Variants in SMURF2 observed in about 807,000 individuals in gnomAD.
SMURF2 encodes the protein SMAD specific E3 ubiquitin protein ligase 2.
Under a neutral mutation model 109.6 loss-of-function variants are expected in SMURF2, and 48 were observed. That is an observed-to-expected ratio of 0.44 (90% CI 0.35 to 0.56). The LOEUF is 0.56. SMURF2 is among the 20% of genes least tolerant of loss of function. The pLI is 0.01. For synonymous variants in SMURF2, 288 were observed against 317.1 expected, an observed-to-expected ratio of 0.91 and a Z score of 0.97; for missense variants, 575 against 909.0, an observed-to-expected ratio of 0.63 and a Z score of 4.72.
At chr17:64,630,558 T>C (rs965747622) in intron 1 of SMURF2, among the ~76,000 whole-genome samples, 8 of 152,248 alleles carry the variant, frequency 5.3e-5, no homozygotes, top group East Asian at 1.9e-4. Flanking sequence ...AACTATAATA[T>C]TGTGAAACCT....
intron 2 of SMURF2, among the ~76,000 whole-genome samples, chr17:64,600,628 G>C (rs1156344608): frequency 6.6e-6 from 1 of 152,172 alleles, no homozygotes; most frequent in Non-Finnish European, 1.5e-5. Flanking sequence ...AACTTGGTAA[G>C]TTAGGGTATT....
chr17:64,657,872 CAG>C (rs1198373842), intron 1 of SMURF2, among the ~76,000 whole-genome samples: 3 of 152,090 alleles, frequency 2.0e-5, no homozygotes, highest in Non-Finnish European at 4.4e-5. Context: ...CTAAAATACA[CAG>C]ACTTTATTAC....
intron 9 of SMURF2, among the ~76,000 whole-genome samples, chr17:64,576,317 T>G (rs1969489446): frequency 6.6e-6 from 1 of 152,006 alleles, no homozygotes. Flanking sequence ...GTAATTGACA[T>G]TTTGGTTAGG....
At position 64,583,544 on chromosome 17, in the gene SMURF2, G is replaced by A; in HGVS notation, c.486C>T (p.Gly162=). The part of the protein sequence containing the change: ...SRLFDNDLPD[G]WEERRTASGR... ...CAGAGGCGGTTCTCCTTTCTTCCCA[G>A]CTTAAATAAAAATATTGAGTGATAA... The change falls in exon 7 of 19, where the codon GGC becomes GGT. Residue 162 remains glycine (G), a splice_region_variant and synonymous_variant. Transcript: ENST00000262435. The A allele has an allele frequency of 6.2e-7, 1 of 1,612,586 alleles. No individual in the cohort carries two copies.
At chr17:64,598,760 A>C (rs1969852709) in intron 2 of SMURF2, among the ~76,000 whole-genome samples, 1 of 152,228 alleles carries the variant, frequency 6.6e-6, no homozygotes, top group African/African-American at 2.4e-5. Context: ...GGAAGTTTTT[A>C]ATAGGTTGTT....
At chr17:64,606,907 C>G (rs1210892171) in intron 1 of SMURF2, among the ~76,000 whole-genome samples, 1 of 152,054 alleles carries the variant, frequency 6.6e-6, no homozygotes, top group Non-Finnish European at 1.5e-5. Flanking sequence ...TTCCTATCTT[C>G]CATCAAGATC....
chr17:64,608,664 A>G (rs555725189), intron 1 of SMURF2, among the ~76,000 whole-genome samples: 33 of 152,288 alleles, frequency 2.2e-4, no homozygotes, highest in Admixed American at 4.6e-4. Context: ...TTCACATCCG[A>G]CTTCAGAGAA....
intron 3 of SMURF2, among the ~76,000 whole-genome samples, chr17:64,598,060 G>A (rs1308863846): frequency 1.3e-5 from 2 of 152,108 alleles, no homozygotes; most frequent in Non-Finnish European, 2.9e-5. Flanking sequence ...AGCCTATTCA[G>A]TGCAACCCAA....
chr17:64,649,019 GAAGA>G (rs1970599222), intron 1 of SMURF2, among the ~76,000 whole-genome samples: 1 of 152,062 alleles, frequency 6.6e-6, no homozygotes, highest in Admixed American at 6.6e-5. Flanking sequence ...TTCACTGGAG[GAAGA>G]AAGTTACATG....
At chr17:64,548,073 G>A (rs1301201242) in intron 16 of SMURF2, among the ~76,000 whole-genome samples, 1 of 152,164 alleles carries the variant, frequency 6.6e-6, no homozygotes, top group Non-Finnish European at 1.5e-5. Flanking sequence ...TCCAGGGTCT[G>A]AGAACCACAG....
chr17:64,584,318 CA>C (rs368630194), intron 6 of SMURF2, among the ~76,000 whole-genome samples: 98 of 71,822 alleles, frequency 1.4e-3, no homozygotes, highest in Admixed American at 1.6e-3. Flanking sequence ...AACTCCTTCT[CA>C]AAAAAAAAAA....
At chr17:64,592,229 C>A (rs1298706249) in intron 4 of SMURF2, among the ~76,000 whole-genome samples, 2 of 152,130 alleles carry the variant, frequency 1.3e-5, no homozygotes, top group East Asian at 3.8e-4. Flanking sequence ...AACAGTAGCA[C>A]ATTAAGTCTT....
rs2872314 is a variant in SMURF2 at position 64,545,734 on chromosome 17, G to A, written c.*114C>T. 1,364 of 23,190 alleles carry A rather than the reference G, an allele frequency of 0.059. 9 individuals carry two copies. The highest frequency in any genetic ancestry group is 0.16 in the South Asian group (94 of 604). The allele number at this position is 23,190 out of a possible 1,614,324, so 1.4% of individuals were successfully genotyped here. ...TAAAATGTAAAAAAAAAAAAAAAAA[G>A]GGGGGGGGGGGGAGTGTTTTCCTGT... On this transcript the variant is annotated 3_prime_UTR_variant, in exon 19 of 19. Transcript: ENST00000262435.
At chr17:64,584,337 G>A (rs1969618342) in intron 6 of SMURF2, among the ~76,000 whole-genome samples, 4 of 141,096 alleles carry the variant, frequency 2.8e-5, no homozygotes, top group Admixed American at 1.4e-4. Flanking sequence ...AAAAAAAATC[G>A]AAACAGCTAC....
chr17:64,574,824 A>G (rs116646676), intron 9 of SMURF2, among the ~76,000 whole-genome samples: 1,919 of 152,324 alleles, frequency 0.013, 43 homozygotes, highest in African/African-American at 0.044. Context: ...TGTTACCAAC[A>G]GTGGTGCTGA....
chr17:64,594,985 C>T (rs1298226600), intron 3 of SMURF2, among the ~76,000 whole-genome samples: 16 of 151,606 alleles, frequency 1.1e-4, no homozygotes, highest in East Asian at 1.9e-4. Flanking sequence ...AGCAAAACTC[C>T]GTCTCAAAAA....
intron 2 of SMURF2, among the ~76,000 whole-genome samples, chr17:64,606,169 C>T (rs1969967988): frequency 6.6e-6 from 1 of 152,126 alleles, no homozygotes; most frequent in South Asian, 2.1e-4. Context: ...AGATTTCTTT[C>T]CCACACTCTG....
chr17:64,654,989 A>G (rs181020741), intron 1 of SMURF2, among the ~76,000 whole-genome samples: 138 of 152,056 alleles, frequency 9.1e-4, no homozygotes, highest in Middle Eastern at 3.4e-3. Flanking sequence ...AATTCTTCTA[A>G]TCAAGCAAAA....
At chr17:64,611,769 C>T (rs936133589) in intron 1 of SMURF2, among the ~76,000 whole-genome samples, 2 of 152,118 alleles carry the variant, frequency 1.3e-5, no homozygotes, top group African/African-American at 4.8e-5. Context: ...TCTTTCCATC[C>T]ATTTCCCCTT....
Sources: gnomAD v4.1 joint callset for allele counts (sites outside exome capture counted in the v4.1 genomes callset) on GRCh38, gnomAD v4.1.1 for gene constraint, MANE v1.5 for transcripts, NCBI Gene and HGNC (gene_info 2026-07-23, HGNC 2026-07-21) for gene names.